Variants in SWAP70 observed in about 807,000 individuals in gnomAD.
SWAP70 encodes switch-associated protein 70.
In SWAP70, 34 loss-of-function variants were observed where a neutral mutation model predicts 80.2. That is an observed-to-expected ratio of 0.42 (90% CI 0.32 to 0.56). The LOEUF is 0.56. Ranked by LOEUF, SWAP70 falls within the 20% of genes least tolerant of loss-of-function variation. SWAP70 has a pLI of 0.09. For synonymous variants in SWAP70, 239 were observed against 238.5 expected (o/e 1.00, Z -0.02); for missense variants, 578 against 690.7 (o/e 0.84, Z 1.83).
At chr11:9,671,517 TATATAAATATATAAATATATAG>T (rs1327763659) in intron 1 of SWAP70, among the ~76,000 whole-genome samples, 4 of 68,138 alleles carry the variant, frequency 5.9e-5, no homozygotes, top group South Asian at 7.3e-4. Context: ...TATAAATATA[TATATAAATATATAAATATATAG>T]AAATATATAG....
chr11:9,707,899 T>C (rs545245457), intron 2 of SWAP70, among the ~76,000 whole-genome samples: 1 of 152,258 alleles, frequency 6.6e-6, no homozygotes, highest in South Asian at 2.1e-4. Context: ...TTTTTAAACT[T>C]TAATAGTTTT....
intron 4 of SWAP70, 88 bp downstream of exon 4, chr11:9,724,973 C>A: frequency 1.0e-6 from 1 of 954,042 alleles, no homozygotes; most frequent in Non-Finnish European, 1.6e-6. Context: ...GAGTATAAGT[C>A]ACTTATTTTC....
At chr11:9,684,155 C>T (rs1381315175) in intron 1 of SWAP70, among the ~76,000 whole-genome samples, 1 of 152,092 alleles carries the variant, frequency 6.6e-6, no homozygotes, top group Non-Finnish European at 1.5e-5. Context: ...TGTTATGGCT[C>T]ACTGCAACCT....
chr11:9,695,518 T>C (rs1044439279), intron 2 of SWAP70, among the ~76,000 whole-genome samples: 1 of 146,708 alleles, frequency 6.8e-6, no homozygotes, highest in South Asian at 2.1e-4. Flanking sequence ...ACTAACACAG[T>C]AACAGAAAAC....
At chr11:9,691,483 G>A (rs1305580794) in intron 1 of SWAP70, among the ~76,000 whole-genome samples, 1 of 152,150 alleles carries the variant, frequency 6.6e-6, no homozygotes, top group Non-Finnish European at 1.5e-5. Context: ...ACTGAATTTA[G>A]CCATCCCTGT....
chr11:9,743,553 T>C lies in SWAP70; in HGVS notation c.1355+3206T>C, dbSNP rs572708696. ...TGTTCCTATTTCTCCACATCCTCTC[T>C]AGCACCTGTTGTTTCCTGACTTTTT... On this transcript the variant is annotated intron_variant, in intron 9 of 11. Transcript: ENST00000318950. Among the ~76,000 whole-genome samples the C allele has an allele frequency of 3.8e-3, 581 of 151,596 alleles. 1 individual carries two copies. Among genetic ancestry groups the C allele is most frequent in the Middle Eastern group, 0.02 (6 of 294 alleles).
At chr11:9,718,993 G>T (rs1380344676) in intron 3 of SWAP70, among the ~76,000 whole-genome samples, 1 of 150,880 alleles carries the variant, frequency 6.6e-6, no homozygotes, top group Admixed American at 6.6e-5. Flanking sequence ...TCAGCTACTC[G>T]GGAGGCTGAA....
intron 6 of SWAP70, 127 bp from the exon 7 acceptor site, chr11:9,732,402 A>G (rs554479397): frequency 1.0e-6 from 1 of 999,782 alleles, no homozygotes; most frequent in African/African-American, 1.7e-5. Flanking sequence ...GAGTGACAAA[A>G]TCAGAATCTA....
chr11:9,689,741 A>T (rs1026998007), intron 1 of SWAP70, among the ~76,000 whole-genome samples: 20 of 152,036 alleles, frequency 1.3e-4, no homozygotes, highest in Admixed American at 6.6e-5. Context: ...CCCCAGAGGG[A>T]TAGGGTGCTG....
Position 9,732,700 on chromosome 11 carries a change from C to G in SWAP70, c.1070C>G (p.Ala357Gly). 1 of 1,548,670 alleles carries G rather than the reference C, an allele frequency of 6.5e-7. No individual in the cohort carries two copies. Among genetic ancestry groups the G allele is most frequent in the Non-Finnish European group, 8.7e-7 (1 of 1,146,858 alleles). ...GAAAGCAAGCAGCAGGAGCTGGAGG[C>G]CGTGCGGAAGGTGGGAATGGGCGCT... ...ANESKQQELE[A>G]VRKKLEEAAS... Residue 357 changes from alanine (A) to glycine (G), a missense_variant, in exon 7 of 12, where the codon GCC becomes GGC. Transcript: ENST00000318950.
rs542479848 is a variant in SWAP70 at position 9,750,864 on chromosome 11, C to G, written c.*894C>G. ...ATGTGATCCTGTTAGTAGAGGTTTT[C>G]TAGCTTCTACTAAGATATTTCTTTC... On this transcript the variant is annotated 3_prime_UTR_variant, in exon 12 of 12. Transcript: ENST00000318950. The G allele has an allele frequency of 6.6e-6, 1 of 152,334 alleles. No individual in the cohort carries two copies. The highest frequency in any genetic ancestry group is 2.4e-5 in the African/African-American group (1 of 41,568). The allele number at this position is 152,334 out of a possible 1,614,324, so 9.4% of individuals were successfully genotyped here.
intron 7 of SWAP70, among the ~76,000 whole-genome samples, chr11:9,737,777 T>A (rs752000858): frequency 1.3e-5 from 2 of 152,210 alleles, no homozygotes; most frequent in Non-Finnish European, 2.9e-5. Flanking sequence ...GTGCCTGTAG[T>A]CCCGGCTACT....
rs974849843 is a variant in SWAP70 at position 9,694,388 on chromosome 11, C to T, written c.240+102C>T. 6 of 1,265,044 alleles carry T rather than the reference C, an allele frequency of 4.7e-6. No homozygotes were observed. In the African/African-American group the frequency reaches 7.6e-5, roughly 16 times the overall value. 78.4% of individuals were successfully genotyped at this position (1,265,044 alleles called of 1,614,324 possible). ...GTGAGTTCACTAAGGAGTTGAGGTA[C>T]AAAGAATCACTAGATAAACCAGAAA... On this transcript the variant is annotated intron_variant, in intron 2 of 11. Transcript: ENST00000318950.
chr11:9,743,449 A>G (rs1413842095), intron 9 of SWAP70, among the ~76,000 whole-genome samples: 5 of 151,886 alleles, frequency 3.3e-5, no homozygotes, highest in East Asian at 1.9e-4. Context: ...GGTATTTCTA[A>G]TTCTAGATCC....
chr11:9,711,230 G>C (rs1308289121), intron 2 of SWAP70, among the ~76,000 whole-genome samples: 4 of 152,104 alleles, frequency 2.6e-5, no homozygotes, highest in Non-Finnish European at 5.9e-5. Flanking sequence ...GCAGAATGTG[G>C]CTTTTAAAAT....
At chr11:9,705,287 T>C (rs570878741) in intron 2 of SWAP70, among the ~76,000 whole-genome samples, 142 of 144,426 alleles carry the variant, frequency 9.8e-4, no homozygotes, top group African/African-American at 3.6e-3. Context: ...ACTGGTGATA[T>C]GTATACACTG....
intron 9 of SWAP70, among the ~76,000 whole-genome samples, chr11:9,745,491 A>T (rs74895871): frequency 0.085 from 12,978 of 152,236 alleles, 1,362 homozygotes; most frequent in East Asian, 0.28. Flanking sequence ...GATCCAGGAG[A>T]CTTGGCTTTA....
At chr11:9,680,564 C>T (rs1314818147) in intron 1 of SWAP70, among the ~76,000 whole-genome samples, 6 of 152,028 alleles carry the variant, frequency 3.9e-5, no homozygotes, top group Non-Finnish European at 5.9e-5. Context: ...TACAGGTGCC[C>T]GCTACCACGC....
chr11:9,742,790 C>T (rs949743967), intron 9 of SWAP70, among the ~76,000 whole-genome samples: 6 of 151,834 alleles, frequency 4.0e-5, no homozygotes, highest in Non-Finnish European at 1.5e-5. Context: ...GGAAGTCATC[C>T]TGGAGTTGGG....
Sources: gnomAD v4.1 joint callset for allele counts (sites outside exome capture counted in the v4.1 genomes callset) on GRCh38, gnomAD v4.1.1 for gene constraint, MANE v1.5 for transcripts, NCBI Gene and HGNC (gene_info 2026-07-23, HGNC 2026-07-21) for gene names.